FRG1: variants seen among roughly 807,000 people sequenced by gnomAD.
FRG1 encodes the protein FSHD region gene 1.
A neutral mutation model predicts 37.0 loss-of-function variants in FRG1; 19 were observed. That is an observed-to-expected ratio of 0.51 (90% CI 0.36 to 0.75). The LOEUF (loss-of-function observed/expected upper bound fraction) is 0.75. Ranked by LOEUF, FRG1 falls within the 30% of genes least tolerant of loss-of-function variation. The pLI, the probability that FRG1 is intolerant of heterozygous loss-of-function variation, is 0.00. For missense variants in FRG1, 243 were observed against 301.4 expected, an observed-to-expected ratio of 0.81 and a Z score of 1.44; for synonymous variants, 73 against 96.5, an observed-to-expected ratio of 0.76 and a Z score of 1.43.
At chr4:189,961,711 A>G (rs1737242824) in intron 7 of FRG1, 111 bp from the exon 8 acceptor site, 1 of 582,936 alleles carries the variant, frequency 1.7e-6, no homozygotes, top group Non-Finnish European at 3.0e-6. Flanking sequence ...CCTGGCCTAC[A>G]ATTAGACTTT....
intron 4 of FRG1, 56 bp downstream of exon 4, chr4:189,953,181 T>G (rs1030366104): frequency 6.7e-7 from 1 of 1,499,036 alleles, no homozygotes; most frequent in African/African-American, 1.4e-5. Flanking sequence ...TTTAATTGTA[T>G]TCATTAAAAA....
rs566614552 is a variant in FRG1 at position 189,952,696 on chromosome 4, G to GTAATTTATAA, written c.260-372_260-371insTAATTTATAA. Reference sequence around the variant, plus strand: ...ATTAGAGGAAGCACTAATGAGATATGAAGTAATTAGAAGATAAAAAGCAGT... The same window carrying GTAATTTATAA: ...ATTAGAGGAAGCACTAATGAGATATGTAATTTATAAAAGTAATTAGAAGATAAAAAGCAGT... On this transcript the variant is annotated intron_variant, in intron 3 of 8. Transcript: ENST00000226798. 7.1e-3 allele frequency among the ~76,000 whole-genome samples: 1,088 copies of GTAATTTATAA among 152,250 alleles called. 16 individuals carry two copies. The highest frequency in any genetic ancestry group is 0.025 in the African/African-American group (1,047 of 41,542).
intron 3 of FRG1, among the ~76,000 whole-genome samples, chr4:189,952,543 A>G (rs1736801849): frequency 1.3e-5 from 2 of 152,250 alleles, no homozygotes; most frequent in African/African-American, 2.4e-5. Context: ...TAATTAAAAT[A>G]GTAAGTGGAA....
At chr4:189,951,075 TAA>T (rs1422709118) in intron 2 of FRG1, among the ~76,000 whole-genome samples, 1 of 152,210 alleles carries the variant, frequency 6.6e-6, no homozygotes, top group Non-Finnish European at 1.5e-5. Flanking sequence ...CATTAAGATA[TAA>T]ACTTTTATAA....
chr4:189,953,676 C>A (rs1736858383), intron 4 of FRG1, among the ~76,000 whole-genome samples: 2 of 151,760 alleles, frequency 1.3e-5, no homozygotes, highest in African/African-American at 2.4e-5. Flanking sequence ...ATAATGATTT[C>A]TGTTATATAA....
chr4:189,951,618 G>A (rs916639687), intron 2 of FRG1, among the ~76,000 whole-genome samples: 1 of 152,090 alleles, frequency 6.6e-6, no homozygotes, highest in Non-Finnish European at 1.5e-5. Flanking sequence ...TCATGAGAGA[G>A]ACCATTCTCT....
At chr4:189,944,799 A>C (rs1378417636) in intron 2 of FRG1, among the ~76,000 whole-genome samples, 2 of 152,108 alleles carry the variant, frequency 1.3e-5, no homozygotes, top group East Asian at 1.9e-4. Context: ...TGATTGCTAT[A>C]ATTTCATGAA....
chr4:189,957,552 C>T (rs1737038948), intron 6 of FRG1, 50 bp downstream of exon 6: 2 of 1,526,766 alleles, frequency 1.3e-6, no homozygotes, highest in Non-Finnish European at 9.0e-7. Flanking sequence ...TGCGATGTGA[C>T]TGTATCTCTT....
rs766716698 is a variant in FRG1, at chr4:189,955,171, A to T, written c.432+20A>T. The T allele has an allele frequency of 6.9e-7, 1 of 1,441,754 alleles. No homozygotes were observed. Among genetic ancestry groups the T allele is most frequent in the South Asian group, 1.1e-5 (1 of 87,370 alleles). 89.3% of individuals were successfully genotyped at this position (1,441,754 alleles called of 1,614,324 possible). On this transcript the variant is annotated intron_variant, in intron 5 of 8. Coordinates refer to ENST00000226798, the MANE Select transcript of FRG1 (RefSeq NM_004477.3). ...CAAAATGTAAGTGCTGTTATTGTTT[A>T]TAAAAACTTCCTGTCAGTTTAACAG...
At chr4:189,950,336 A>G (rs1409026912) in intron 2 of FRG1, among the ~76,000 whole-genome samples, 2 of 152,068 alleles carry the variant, frequency 1.3e-5, no homozygotes, top group African/African-American at 4.8e-5. Flanking sequence ...TACTCTGTTG[A>G]TGGCGGTTCT....
chr4:189,962,188 T>G (rs1191075599), intron 8 of FRG1, among the ~76,000 whole-genome samples: 5 of 152,184 alleles, frequency 3.3e-5, no homozygotes, highest in Non-Finnish European at 7.4e-5. Flanking sequence ...CTTCATAAAT[T>G]TATCATCTTT....
Position 189,962,016 on chromosome 4 carries a change from G to C in FRG1, c.740+84G>C. ...AAAACCTACATTCTCTTAAATTACTGTAGTTTTTCACATTTTTGTCTTTAT... is the reference window on the plus strand; with the variant it reads ...AAAACCTACATTCTCTTAAATTACTCTAGTTTTTCACATTTTTGTCTTTAT... On this transcript the variant is annotated intron_variant, in intron 8 of 8. Transcript: ENST00000226798. The C allele has an allele frequency of 4.1e-6, 3 of 734,338 alleles. No individual in the cohort carries two copies. In the South Asian group the frequency reaches 5.3e-5, roughly 13 times the overall value. The allele number at this position is 734,338 out of a possible 1,614,324, so 45.5% of individuals were successfully genotyped here. A position where few individuals can be genotyped will look rare whatever the true frequency, so the allele number is the denominator to read the frequency against.
At chr4:189,958,114 T>C (rs1323453942) in intron 6 of FRG1, among the ~76,000 whole-genome samples, 1 of 151,956 alleles carries the variant, frequency 6.6e-6, no homozygotes, top group Non-Finnish European at 1.5e-5. Flanking sequence ...AGTTTTCTCT[T>C]TTTCTTGCTT....
chr4:189,943,148 T>C lies in FRG1; in HGVS notation c.63-54T>C, dbSNP rs1239670720. 19 of 1,481,784 alleles carry C rather than the reference T, an allele frequency of 1.3e-5. No homozygotes were observed. In the Admixed American group the frequency reaches 2.2e-4, roughly 17 times the overall value. 91.8% of individuals were successfully genotyped at this position (1,481,784 alleles called of 1,614,324 possible). On this transcript the variant is annotated intron_variant, in intron 1 of 8. Coordinates refer to ENST00000226798, the MANE Select transcript of FRG1 (RefSeq NM_004477.3). ...ACTTTCAAGTTTCAATCTTACAATA[T>C]TTATCGTACAAATCAATATACCTAA...
intron 2 of FRG1, among the ~76,000 whole-genome samples, chr4:189,951,882 G>A (rs200688692): frequency 4.6e-4 from 70 of 152,178 alleles, no homozygotes; most frequent in Middle Eastern, 3.4e-3. Context: ...GCTGGTAGTC[G>A]CATGAATCTC....
chr4:189,958,142 C>T (rs78657340), intron 6 of FRG1, among the ~76,000 whole-genome samples: 1 of 151,340 alleles, frequency 6.6e-6, no homozygotes, highest in Non-Finnish European at 1.5e-5. Flanking sequence ...CTTTCTCTCT[C>T]TCTCAACAGC....
intron 2 of FRG1, among the ~76,000 whole-genome samples, chr4:189,945,838 T>A (rs930040221): frequency 1.3e-5 from 2 of 151,974 alleles, no homozygotes; most frequent in African/African-American, 4.8e-5. Context: ...TGGGTATGAG[T>A]TGTTCTTTAC....
At chr4:189,951,641 G>T (rs1048561489) in intron 2 of FRG1, among the ~76,000 whole-genome samples, 24 of 152,184 alleles carry the variant, frequency 1.6e-4, no homozygotes, top group African/African-American at 5.5e-4. Flanking sequence ...ATGTCACTTT[G>T]TACCTTCACA....
At chr4:189,958,537 T>C (rs1351095757) in intron 6 of FRG1, among the ~76,000 whole-genome samples, 1 of 152,270 alleles carries the variant, frequency 6.6e-6, no homozygotes. Flanking sequence ...TTTTAAAATT[T>C]GTGTGCGTCA....
Sources: gnomAD v4.1 joint callset for allele counts (sites outside exome capture counted in the v4.1 genomes callset) on GRCh38, gnomAD v4.1.1 for gene constraint, MANE v1.5 for transcripts, NCBI Gene and HGNC (gene_info 2026-07-23, HGNC 2026-07-21) for gene names.